The following CACNA1S variants were observed in gnomAD, a reference collection of about 807,000 sequenced individuals.
The protein encoded by CACNA1S is calcium voltage-gated channel subunit alpha1 S.
Under a neutral mutation model 207.4 loss-of-function variants are expected in CACNA1S, and 126 were observed. The observed-to-expected ratio is 0.61, with a 90% confidence interval of 0.53 to 0.70. CACNA1S has a LOEUF of 0.70. CACNA1S is among the 30% of genes least tolerant of loss of function. The probability of loss-of-function intolerance (pLI) is 0.00; values close to 1 mark genes in which losing one functional copy is unlikely to be tolerated. For synonymous variants in CACNA1S, 960 were observed against 932.7 expected (o/e 1.03, Z -0.53); for missense variants, 2,349 against 2,422.8 (o/e 0.97, Z 0.64).
intron 2 of CACNA1S, among the ~76,000 whole-genome samples, chr1:201,105,232 C>A (rs1011814474): frequency 9.2e-5 from 14 of 152,134 alleles, no homozygotes; most frequent in African/African-American, 2.9e-4. Flanking sequence ...GGGGGTTAGA[C>A]CCTTTGAATC....
intron 15 of CACNA1S, among the ~76,000 whole-genome samples, chr1:201,073,342 G>A (rs893792209): frequency 1.5e-4 from 11 of 72,384 alleles, no homozygotes; most frequent in Non-Finnish European, 2.6e-4. Context: ...TTCCCAGATT[G>A]GGAGGTCTGC....
intron 35 of CACNA1S, among the ~76,000 whole-genome samples, 154 bp from the exon 36 acceptor site, chr1:201,048,838 G>C (rs897305791): frequency 2.0e-5 from 3 of 152,266 alleles, no homozygotes; most frequent in Non-Finnish European, 4.4e-5. Flanking sequence ...ACAGAATGAT[G>C]AGTTGGGTGA....
chr1:201,103,264 A>G (rs1318275347), intron 2 of CACNA1S, among the ~76,000 whole-genome samples: 1 of 151,576 alleles, frequency 6.6e-6, no homozygotes, highest in African/African-American at 2.4e-5. Flanking sequence ...AAAAAAAGAA[A>G]GAAAGATATT....
intron 7 of CACNA1S, 53 bp from the exon 8 acceptor site, chr1:201,085,634 G>A: frequency 1.9e-6 from 3 of 1,602,726 alleles, no homozygotes; most frequent in Non-Finnish European, 2.6e-6. Flanking sequence ...ACAGTGTCAA[G>A]GAAAGACTGA....
Position 201,061,284 on chromosome 1 carries a change from C to T in CACNA1S, c.3238G>A (p.Glu1080Lys). 6.2e-7 allele frequency: 1 copy of T among 1,614,198 alleles called. No individual in the cohort carries two copies. The highest frequency in any genetic ancestry group is 8.5e-7 in the Non-Finnish European group (1 of 1,180,022). The change falls in exon 25 of 44, where the codon GAG becomes AAG. Residue 1080 changes from glutamate to lysine, a missense_variant. Glu to Lys is a moderately conservative substitution (Grantham distance 56). Coordinates refer to ENST00000362061, the MANE Select transcript of CACNA1S (RefSeq NM_000069.3). ...CCAGGCACCTGGTTCTTGTCCAGCT[C>T]ACAGTTCTTGTACTCAGTCTCTCCC... ...EQGETEYKNC[E>K]LDKNQRQCVQ...
Position 201,065,852 on chromosome 1 carries a change from C to T in CACNA1S, c.2839G>A (p.Val947Ile), listed in dbSNP as rs76460090. The T allele has an allele frequency of 2.9e-5, 47 of 1,613,680 alleles. No individual in the cohort carries two copies. The East Asian group carries it at 6.2e-4, about 21-fold the overall frequency. Residue 947 changes from valine (V) to isoleucine (I), a missense_variant, in exon 22 of 44, where the codon GTC (valine) becomes ATC (isoleucine). Physicochemically the swap from Val to Ile is conservative, Grantham distance 29 (BLOSUM62 3). Coordinates refer to ENST00000362061, the MANE Select transcript of CACNA1S (RefSeq NM_000069.3). ...LLQFMFACIG[V>I]QLFKGKFFRC... ...CTGGGGCTCACCTTGAAGAGCTGGACGCCGATGCAGGCAAACATGAACTGT... is the reference window on the plus strand; with the variant it reads ...CTGGGGCTCACCTTGAAGAGCTGGATGCCGATGCAGGCAAACATGAACTGT...
chr1:201,047,437 C>T (rs1220516042), intron 37 of CACNA1S, 88 bp downstream of exon 37: 1 of 1,311,312 alleles, frequency 7.6e-7, no homozygotes, highest in Non-Finnish European at 1.1e-6. Context: ...CTGGTCCGTT[C>T]TCAGATTCCC....
chr1:201,067,675 T>A (rs898203029), intron 19 of CACNA1S, among the ~76,000 whole-genome samples: 1 of 152,148 alleles, frequency 6.6e-6, no homozygotes, highest in Admixed American at 6.5e-5. Flanking sequence ...TCTCTGGCAA[T>A]GTCCCCAGAT....
intron 10 of CACNA1S, among the ~76,000 whole-genome samples, chr1:201,081,097 G>T (rs142252539): frequency 6.6e-6 from 1 of 152,140 alleles, no homozygotes; most frequent in Non-Finnish European, 1.5e-5. Flanking sequence ...TCCCTTCCAT[G>T]GGGGCAGACT....
rs1660741789 is a variant in CACNA1S, at chr1:201,053,847, C to T, written c.3667-260G>A. ...TGAAGCCCACACTTGGGAGCAGTGG[C>T]AGGGATTTGCCCTGGGGTGTGGCTG... On this transcript the variant is annotated intron_variant, in intron 29 of 43. Transcript: ENST00000362061. The surrounding 1 kb of genome is among the most constrained non-coding windows in gnomAD (Gnocchi z 5.1). Among the ~76,000 whole-genome samples, 2 of 152,166 alleles carry T rather than the reference C, an allele frequency of 1.3e-5. No homozygotes were observed. Among genetic ancestry groups the T allele is most frequent in the African/African-American group, 4.8e-5 (2 of 41,450 alleles).
chr1:201,076,748 G>A (rs1661636001), intron 12 of CACNA1S, among the ~76,000 whole-genome samples, 172 bp downstream of exon 12: 1 of 152,228 alleles, frequency 6.6e-6, no homozygotes, highest in South Asian at 2.1e-4. Context: ...ATAAGCAAGT[G>A]TTACAATGGA....
At chr1:201,087,551 T>C (rs1029075421) in intron 7 of CACNA1S, among the ~76,000 whole-genome samples, 4 of 152,040 alleles carry the variant, frequency 2.6e-5, no homozygotes, top group African/African-American at 9.7e-5. Flanking sequence ...AATTAAAAAT[T>C]GAAGGGCTCC....
chr1:201,074,659 G>A (rs371207131), intron 13 of CACNA1S, 39 bp from the exon 14 acceptor site: 25 of 1,325,920 alleles, frequency 1.9e-5, no homozygotes, highest in Middle Eastern at 1.8e-4. Context: ...GTTGTAGGTG[G>A]AAGGGAGCCT....
intron 39 of CACNA1S, 73 bp from the exon 40 acceptor site, chr1:201,043,604 G>C: frequency 7.4e-7 from 1 of 1,350,646 alleles, no homozygotes; most frequent in Non-Finnish European, 1.1e-6. Flanking sequence ...CTCTGGGACA[G>C]TGGTATTGGG....
intron 38 of CACNA1S, among the ~76,000 whole-genome samples, chr1:201,045,458 G>A (rs1418047283): frequency 6.6e-6 from 1 of 152,168 alleles, no homozygotes; most frequent in African/African-American, 2.4e-5. Flanking sequence ...GTATTAGCCT[G>A]GCATGGTGAC....
At chr1:201,103,996 C>T (rs906331182) in intron 2 of CACNA1S, among the ~76,000 whole-genome samples, 6 of 152,174 alleles carry the variant, frequency 3.9e-5, no homozygotes, top group African/African-American at 1.4e-4. Flanking sequence ...CCAGGCCCTG[C>T]CCTGCCCTGC....
At chr1:201,040,410 G>A (rs1246023946) in intron 42 of CACNA1S, 36 bp from the exon 43 acceptor site, 1 of 1,609,250 alleles carries the variant, frequency 6.2e-7, no homozygotes, top group African/African-American at 1.3e-5. Context: ...ACCCCGACAG[G>A]GGTGCTGGAG....
intron 2 of CACNA1S, among the ~76,000 whole-genome samples, chr1:201,104,577 C>T (rs1230386008): frequency 6.6e-6 from 1 of 152,230 alleles, no homozygotes; most frequent in East Asian, 1.9e-4. Context: ...TGCTCTAATT[C>T]CCTTTAACTC....
chr1:201,108,079 G>C (rs994462197), intron 2 of CACNA1S, among the ~76,000 whole-genome samples: 14 of 151,566 alleles, frequency 9.2e-5, no homozygotes, highest in Admixed American at 7.9e-4. Context: ...TTTCAGGATG[G>C]AAGATGACAT....
Sources: gnomAD v4.1 joint callset for allele counts (sites outside exome capture counted in the v4.1 genomes callset) on GRCh38, gnomAD v4.1.1 for gene constraint, Gnocchi (gnomAD v3.1) non-coding constraint, MANE v1.5 for transcripts, NCBI Gene and HGNC (gene_info 2026-07-23, HGNC 2026-07-21) for gene names.